Variants in SGCZ observed in about 807,000 individuals in gnomAD.
SGCZ encodes the protein sarcoglycan zeta.
A neutral mutation model predicts 41.3 loss-of-function variants in SGCZ; 40 were observed. That is an observed-to-expected ratio of 0.97 (90% CI 0.75 to 1.26). SGCZ has a LOEUF of 1.26. SGCZ is among the 50% of genes most tolerant of loss of function. SGCZ has a pLI of 0.00. For synonymous variants in SGCZ, 206 were observed against 137.5 expected (o/e 1.50, Z -3.49); for missense variants, 552 against 369.8 (o/e 1.49, Z -4.04).
intron 1 of SGCZ, among the ~76,000 whole-genome samples, chr8:14,878,499 T>A (rs117721297): frequency 0.013 from 1,906 of 152,280 alleles, 18 homozygotes; most frequent in Non-Finnish European, 0.017. Context: ...CCTTGGCCTG[T>A]CTTTTCTGAT....
At chr8:14,401,626 T>C (rs981386341) in intron 2 of SGCZ, among the ~76,000 whole-genome samples, 1 of 151,830 alleles carries the variant, frequency 6.6e-6, no homozygotes, top group African/African-American at 2.4e-5. Flanking sequence ...CTCATCATTG[T>C]TTATGGCTGC....
intron 1 of SGCZ, among the ~76,000 whole-genome samples, chr8:14,569,703 G>A (rs996496554): frequency 1.1e-4 from 16 of 152,296 alleles, no homozygotes; most frequent in African/African-American, 3.1e-4. Flanking sequence ...ATAAAAATAA[G>A]TGTTATAATT....
At chr8:14,417,364 G>T (rs1345150085) in intron 2 of SGCZ, among the ~76,000 whole-genome samples, 1 of 151,756 alleles carries the variant, frequency 6.6e-6, no homozygotes, top group East Asian at 1.9e-4. Flanking sequence ...ATTCTTCTGA[G>T]GGTTAGGAAA....
At chr8:14,909,498 T>G (rs964733601) in intron 1 of SGCZ, among the ~76,000 whole-genome samples, 1 of 152,180 alleles carries the variant, frequency 6.6e-6, no homozygotes, top group African/African-American at 2.4e-5. Context: ...TTAAATTATC[T>G]GTGTCTGATT....
At chr8:14,698,070 G>A (rs760405544) in intron 1 of SGCZ, among the ~76,000 whole-genome samples, 6 of 151,880 alleles carry the variant, frequency 4.0e-5, no homozygotes, top group Non-Finnish European at 7.4e-5. Context: ...ATAGCTATGA[G>A]GTATAAAAGG....
chr8:14,322,368 A>G (rs1160224550), intron 3 of SGCZ, among the ~76,000 whole-genome samples: 1 of 152,056 alleles, frequency 6.6e-6, no homozygotes, highest in Non-Finnish European at 1.5e-5. Flanking sequence ...AATGCTTGTG[A>G]ACATGGAGTT....
At chr8:14,720,533 A>G (rs903358514) in intron 1 of SGCZ, among the ~76,000 whole-genome samples, 2 of 151,884 alleles carry the variant, frequency 1.3e-5, no homozygotes, top group Non-Finnish European at 2.9e-5. Context: ...TGGATTTCCT[A>G]GGTTCACTCT....
At chr8:14,253,756 G>C (rs549560954) in intron 3 of SGCZ, among the ~76,000 whole-genome samples, 1 of 151,976 alleles carries the variant, frequency 6.6e-6, no homozygotes, top group African/African-American at 2.4e-5. Context: ...TTTACAGAAC[G>C]AGCTATCTAT....
intron 1 of SGCZ, among the ~76,000 whole-genome samples, chr8:15,053,502 G>A (rs1158176497): frequency 6.6e-6 from 1 of 152,120 alleles, no homozygotes; most frequent in Admixed American, 6.5e-5. Context: ...GTGAATGGTA[G>A]CTGGCTGCTT....
At chr8:15,056,188 A>C (rs1210280547) in intron 1 of SGCZ, among the ~76,000 whole-genome samples, 1 of 152,176 alleles carries the variant, frequency 6.6e-6, no homozygotes, top group Non-Finnish European at 1.5e-5. Flanking sequence ...CACTAATCGC[A>C]AGGACTCTTT....
At position 14,280,426 on chromosome 8, in the gene SGCZ, CTTTTAAAAGGAAGAAATATTGCTATTAA is replaced by C. The variant is rs1294670430; in HGVS notation, c.337-42775_337-42748del. On this transcript the variant is annotated intron_variant, in intron 3 of 7. Transcript: ENST00000382080. ...TTTATCTAATACTCCTAAATTCTAC[CTTTTAAAAGGAAGAAATATTGCTATTAA>C]TAAATTTTTAAGGGACTGGGCTAAA... is the stretch of plus-strand genomic sequence containing the variant. 4.6e-5 allele frequency among the ~76,000 whole-genome samples: 7 copies of C among 151,726 alleles called. No individual in the cohort carries two copies. The East Asian group carries it at 1.2e-3, about 25-fold the overall frequency.
chr8:14,553,349 A>T (rs1262485553), intron 2 of SGCZ, among the ~76,000 whole-genome samples: 3 of 152,038 alleles, frequency 2.0e-5, no homozygotes, highest in Admixed American at 1.3e-4. Flanking sequence ...ACCTCTAGCC[A>T]CCCTCACATG....
chr8:14,573,365 A>T (rs574098604), intron 1 of SGCZ, among the ~76,000 whole-genome samples: 214 of 151,042 alleles, frequency 1.4e-3, no homozygotes, highest in African/African-American at 5.0e-3. Context: ...GCCCGGCTAA[A>T]TTTTTTTTGT....
At chr8:14,421,035 G>A (rs1374826292) in intron 2 of SGCZ, among the ~76,000 whole-genome samples, 1 of 152,162 alleles carries the variant, frequency 6.6e-6, no homozygotes, top group African/African-American at 2.4e-5. Flanking sequence ...GTGCCCCAAA[G>A]ATAATGAGAT....
intron 2 of SGCZ, among the ~76,000 whole-genome samples, chr8:14,532,419 C>T (rs1271632592): frequency 6.6e-6 from 1 of 151,892 alleles, no homozygotes; most frequent in Non-Finnish European, 1.5e-5. Flanking sequence ...CTCCCTGTGT[C>T]CTCAATGATT....
chr8:14,344,771 G>T (rs1050659992), intron 2 of SGCZ, among the ~76,000 whole-genome samples: 2 of 151,936 alleles, frequency 1.3e-5, no homozygotes, highest in Admixed American at 6.6e-5. Context: ...CATGAGACCA[G>T]CTACAAATGA....
At chr8:14,950,961 T>C (rs758122722) in intron 1 of SGCZ, among the ~76,000 whole-genome samples, 16 of 151,990 alleles carry the variant, frequency 1.1e-4, no homozygotes, top group Non-Finnish European at 2.2e-4. Flanking sequence ...TGAATGTAGA[T>C]GTAAGTCAGT....
intron 1 of SGCZ, among the ~76,000 whole-genome samples, chr8:14,654,246 A>G (rs1422045350): frequency 6.7e-6 from 1 of 150,028 alleles, no homozygotes; most frequent in Non-Finnish European, 1.5e-5. Flanking sequence ...AAAAAAAAAA[A>G]GGATATCCAT....
intron 2 of SGCZ, among the ~76,000 whole-genome samples, chr8:14,489,547 G>C (rs947233935): frequency 7.2e-5 from 11 of 152,110 alleles, no homozygotes; most frequent in African/African-American, 2.7e-4. Flanking sequence ...GGAAAAAAGG[G>C]AGATGGTCTG....
Sources: gnomAD v4.1 joint callset for allele counts (sites outside exome capture counted in the v4.1 genomes callset) on GRCh38, gnomAD v4.1.1 for gene constraint, MANE v1.5 for transcripts, NCBI Gene and HGNC (gene_info 2026-07-23, HGNC 2026-07-21) for gene names.